Variants in PCED1B observed in about 807,000 individuals in gnomAD.
PCED1B encodes PC-esterase domain-containing protein 1B.
For synonymous variants in PCED1B, 251 were observed against 246.1 expected (o/e 1.02, Z -0.19); for missense variants, 573 against 573.9 (o/e 1.00, Z 0.02).
chr12:47,201,417 A>T (rs1592275552), intron 2 of PCED1B, among the ~76,000 whole-genome samples: 1 of 152,084 alleles, frequency 6.6e-6, no homozygotes, highest in Non-Finnish European at 1.5e-5. Flanking sequence ...CTGCCAGTGA[A>T]AGAGCCAAGA....
chr12:47,193,752 A>G (rs1050829843), intron 2 of PCED1B, among the ~76,000 whole-genome samples: 1 of 152,228 alleles, frequency 6.6e-6, no homozygotes, highest in Non-Finnish European at 1.5e-5. Context: ...TATAAATCAT[A>G]TGAGGCAACC....
At chr12:47,144,937 T>C (rs554001903) in intron 2 of PCED1B, among the ~76,000 whole-genome samples, 1 of 152,290 alleles carries the variant, frequency 6.6e-6, no homozygotes, top group South Asian at 2.1e-4. Context: ...ATTCTCTTAC[T>C]TCAAAACAAA....
At chr12:47,211,653 CA>C (rs760117906) in intron 2 of PCED1B, among the ~76,000 whole-genome samples, 17,530 of 65,614 alleles carry the variant, frequency 0.27, 769 homozygotes, top group Middle Eastern at 0.42. Context: ...GACTCTGTCT[CA>C]AAAAAAAAAA....
At chr12:47,141,141 G>A (rs1267940319) in intron 2 of PCED1B, among the ~76,000 whole-genome samples, 4 of 152,148 alleles carry the variant, frequency 2.6e-5, no homozygotes, top group East Asian at 1.9e-4. Flanking sequence ...TGAGAAGTCC[G>A]CTTAATTTGC....
At chr12:47,115,073 T>TA (rs781403244) in intron 2 of PCED1B, among the ~76,000 whole-genome samples, 5 of 152,122 alleles carry the variant, frequency 3.3e-5, no homozygotes, top group African/African-American at 4.8e-5. Flanking sequence ...TCTAAGTGTA[T>TA]AAAAAGGTAT....
chr12:47,107,711 G>A (rs1025248039), intron 2 of PCED1B, among the ~76,000 whole-genome samples: 1 of 152,148 alleles, frequency 6.6e-6, no homozygotes, highest in Admixed American at 6.5e-5. Flanking sequence ...TGCCAGCTGG[G>A]GACTCAGGCT....
At chr12:47,234,162 A>C (rs1025411425) in intron 3 of PCED1B, among the ~76,000 whole-genome samples, 1 of 151,990 alleles carries the variant, frequency 6.6e-6, no homozygotes, top group Non-Finnish European at 1.5e-5. Flanking sequence ...CTAATTTTGA[A>C]TTTTTAGTAG....
intron 2 of PCED1B, among the ~76,000 whole-genome samples, chr12:47,168,493 T>A (rs1179979290): frequency 6.6e-6 from 1 of 152,186 alleles, no homozygotes; most frequent in Non-Finnish European, 1.5e-5. Context: ...TCTGCTCTTT[T>A]ACTTATTATT....
chr12:47,120,365 C>A (rs775947598), intron 2 of PCED1B, among the ~76,000 whole-genome samples: 5 of 151,650 alleles, frequency 3.3e-5, no homozygotes, highest in African/African-American at 7.3e-5. Flanking sequence ...TTTGCCCACA[C>A]AAAATTTTGT....
Position 47,235,344 on chromosome 12 carries a change from T to A in PCED1B, c.281T>A (p.Leu94His), listed in dbSNP as rs772738434. ...SDHHLVRFYF[L>H]TRVYSDYLQT... ...CACCATCTGGTACGTTTTTACTTCCTCACCCGCGTGTACTCCGATTACCTC... is the reference window on the plus strand; with the variant it reads ...CACCATCTGGTACGTTTTTACTTCCACACCCGCGTGTACTCCGATTACCTC... Residue 94 changes from leucine to histidine, a missense_variant, in exon 4 of 4, where the codon CTC becomes CAC. Leu to His is a moderately conservative substitution (Grantham distance 99, BLOSUM62 -3). Transcript: ENST00000546455. 5 of 1,614,118 alleles carry A rather than the reference T, an allele frequency of 3.1e-6. No individual in the cohort carries two copies. The highest frequency in any genetic ancestry group is 4.2e-6 in the Non-Finnish European group (5 of 1,180,048).
intron 2 of PCED1B, among the ~76,000 whole-genome samples, chr12:47,162,072 A>T (rs1941400085): frequency 6.7e-6 from 1 of 148,812 alleles, no homozygotes; most frequent in South Asian, 2.3e-4. Flanking sequence ...ATGAGAACAC[A>T]TGGACACAGG....
chr12:47,166,105 A>G (rs532063765), intron 2 of PCED1B, among the ~76,000 whole-genome samples: 2 of 152,258 alleles, frequency 1.3e-5, no homozygotes, highest in East Asian at 1.9e-4. Context: ...GGAAATCTCA[A>G]GGTTGTTGAA....
chr12:47,158,252 A>C (rs1941257775), intron 2 of PCED1B, among the ~76,000 whole-genome samples: 1 of 152,162 alleles, frequency 6.6e-6, no homozygotes, highest in Non-Finnish European at 1.5e-5. Flanking sequence ...TTACATTTCC[A>C]CCAACAATGC....
chr12:47,153,990 T>C (rs1043308648), intron 2 of PCED1B, among the ~76,000 whole-genome samples: 103 of 152,326 alleles, frequency 6.8e-4, no homozygotes, highest in Middle Eastern at 6.8e-3. Context: ...TTTAGTGAGG[T>C]GGGACCTACT....
intron 2 of PCED1B, among the ~76,000 whole-genome samples, chr12:47,200,442 C>T (rs1383453637): frequency 6.6e-6 from 1 of 152,174 alleles, no homozygotes; most frequent in African/African-American, 2.4e-5. Context: ...ACTGACAACA[C>T]CAAATGCTGG....
intron 3 of PCED1B, among the ~76,000 whole-genome samples, chr12:47,217,462 G>A (rs12369927): frequency 3.4e-4 from 24 of 70,532 alleles, no homozygotes; most frequent in African/African-American, 9.0e-4. Flanking sequence ...GAAAGAAAAA[G>A]AAAGAAAGAG....
chr12:47,085,036 C>T (rs1428245996), intron 1 of PCED1B, among the ~76,000 whole-genome samples: 1 of 152,142 alleles, frequency 6.6e-6, no homozygotes, highest in South Asian at 2.1e-4. Flanking sequence ...CCCAGTTACT[C>T]AGGAGGCTAA....
At chr12:47,232,533 C>G (rs118159474) in intron 3 of PCED1B, among the ~76,000 whole-genome samples, 6,052 of 152,248 alleles carry the variant, frequency 0.04, 193 homozygotes, top group Non-Finnish European at 0.057. Context: ...AAAATGTTTA[C>G]TAATGCGTAA....
intron 2 of PCED1B, among the ~76,000 whole-genome samples, chr12:47,195,182 A>C (rs940569802): frequency 4.6e-5 from 7 of 152,122 alleles, no homozygotes; most frequent in Non-Finnish European, 8.8e-5. Flanking sequence ...TACAAAAATC[A>C]GCCGAGCATG....
Sources: gnomAD v4.1 joint callset for allele counts (sites outside exome capture counted in the v4.1 genomes callset) on GRCh38, gnomAD v4.1.1 for gene constraint, MANE v1.5 for transcripts, NCBI Gene and HGNC (gene_info 2026-07-23, HGNC 2026-07-21) for gene names.